CADM1: variants seen among roughly 807,000 people sequenced by gnomAD.
The protein encoded by CADM1 is cell adhesion molecule 1.
Under a neutral mutation model 53.1 loss-of-function variants are expected in CADM1, and 15 were observed. The ratio of observed to expected loss-of-function variants is 0.28; its 90% CI spans 0.19 to 0.44. The LOEUF (loss-of-function observed/expected upper bound fraction) is 0.44, where lower values mean the gene tolerates loss of function less well. Among genes scored for constraint, CADM1 ranks in the 20% least tolerant of loss-of-function variants. The probability of loss-of-function intolerance (pLI) is 1.00; values close to 1 mark genes in which losing one functional copy is unlikely to be tolerated. For missense variants in CADM1, 434 were observed against 611.3 expected (o/e 0.71, Z 3.06); for synonymous variants, 281 against 243.0 (o/e 1.16, Z -1.45).
At chr11:115,238,363 A>G in intron 3 of CADM1, 137 bp downstream of exon 3, 1 of 967,928 alleles carries the variant, frequency 1.0e-6, no homozygotes, top group East Asian at 2.4e-5. Flanking sequence ...GGCTATTTTT[A>G]AAATTCAGCA....
intron 1 of CADM1, among the ~76,000 whole-genome samples, chr11:115,266,577 GC>G (rs1943146892): frequency 6.6e-6 from 1 of 152,202 alleles, no homozygotes; most frequent in Non-Finnish European, 1.5e-5. Context: ...CTTGTTCTAT[GC>G]CAGCCAACAA....
chr11:115,195,953 T>G (rs1251523660), intron 9 of CADM1, among the ~76,000 whole-genome samples: 1 of 152,210 alleles, frequency 6.6e-6, no homozygotes, highest in Non-Finnish European at 1.5e-5. Context: ...CTAGATTATC[T>G]ATCACTTTTC....
At chr11:115,204,382 G>T (rs2134707449) in intron 8 of CADM1, among the ~76,000 whole-genome samples, 1 of 152,186 alleles carries the variant, frequency 6.6e-6, no homozygotes, top group South Asian at 2.1e-4. Flanking sequence ...TCTCTTATTG[G>T]GTTCCAATGT....
intron 1 of CADM1, among the ~76,000 whole-genome samples, chr11:115,370,996 G>T (rs1229870251): frequency 6.6e-6 from 1 of 152,048 alleles, no homozygotes; most frequent in South Asian, 2.1e-4. Flanking sequence ...AAAAGGAGAT[G>T]GGGTGCAAAA....
At chr11:115,313,860 T>C (rs955269812) in intron 1 of CADM1, among the ~76,000 whole-genome samples, 4 of 152,142 alleles carry the variant, frequency 2.6e-5, no homozygotes, top group Admixed American at 6.6e-5. Flanking sequence ...GAGCTGCCAT[T>C]AACTTAGGTC....
chr11:115,358,662 C>A (rs1945943374), intron 1 of CADM1, among the ~76,000 whole-genome samples: 1 of 152,140 alleles, frequency 6.6e-6, no homozygotes, highest in Admixed American at 6.6e-5. Context: ...TTTCACACAG[C>A]ATAATTATTT....
At chr11:115,368,808 T>TA (rs1314765649) in intron 1 of CADM1, among the ~76,000 whole-genome samples, 3 of 151,984 alleles carry the variant, frequency 2.0e-5, no homozygotes, top group Non-Finnish European at 4.4e-5. Context: ...AGGAATGTCC[T>TA]ATATCTATGC....
intron 1 of CADM1, among the ~76,000 whole-genome samples, chr11:115,381,106 C>A (rs1277114767): frequency 2.6e-5 from 4 of 151,898 alleles, no homozygotes; most frequent in African/African-American, 9.7e-5. Flanking sequence ...ACCAGCCTGG[C>A]CAAGGTGGTG....
At chr11:115,216,052 G>T (rs1164761122) in intron 6 of CADM1, among the ~76,000 whole-genome samples, 1 of 152,200 alleles carries the variant, frequency 6.6e-6, no homozygotes, top group Non-Finnish European at 1.5e-5. Context: ...AATGGCAAAT[G>T]GGCCTGCCTG....
intron 5 of CADM1, among the ~76,000 whole-genome samples, chr11:115,223,397 C>T (rs11601751): frequency 0.35 from 52,680 of 152,034 alleles, 11,047 homozygotes; most frequent in Non-Finnish European, 0.47. Flanking sequence ...AACTATTTAA[C>T]CTTCCACACA....
intron 1 of CADM1, among the ~76,000 whole-genome samples, chr11:115,322,587 C>G (rs574573005): frequency 6.6e-6 from 1 of 152,134 alleles, no homozygotes; most frequent in Non-Finnish European, 1.5e-5. Flanking sequence ...TATCCCAACC[C>G]GTGGCAACCA....
At chr11:115,280,217 G>C (rs1238901956) in intron 1 of CADM1, among the ~76,000 whole-genome samples, 1 of 152,180 alleles carries the variant, frequency 6.6e-6, no homozygotes, top group East Asian at 1.9e-4. Flanking sequence ...AGTGGGAATA[G>C]CTTTAACAAA....
rs1939009343 is a variant in CADM1 at position 115,175,988 on chromosome 11, C to T, written c.*486G>A. On this transcript the variant is annotated 3_prime_UTR_variant, in exon 12 of 12. Transcript: ENST00000331581. Reference sequence around the variant, plus strand: ...ATGAAACTGAATTTGGAACAGAAAGCAGTTACCATAAAAATAAACAAAAGT... The same window carrying T: ...ATGAAACTGAATTTGGAACAGAAAGTAGTTACCATAAAAATAAACAAAAGT... 1 of 1,035,968 alleles carries T rather than the reference C, an allele frequency of 9.7e-7. No homozygotes were observed. Among genetic ancestry groups the T allele is most frequent in the Non-Finnish European group, 1.2e-6 (1 of 861,342 alleles). The allele number at this position is 1,035,968 out of a possible 1,614,324, so 64.2% of individuals were successfully genotyped here. A position where few individuals can be genotyped will look rare whatever the true frequency, so the allele number is the denominator to read the frequency against.
At position 115,427,046 on chromosome 11, in the gene CADM1, T is replaced by TA. The variant is rs531793235; in HGVS notation, c.124+77224dup. 3.2e-3 allele frequency among the ~76,000 whole-genome samples: 485 copies of TA among 152,166 alleles called. 1 individual carries two copies. Among genetic ancestry groups the TA allele is most frequent in the Non-Finnish European group, 5.3e-3 (363 of 67,996 alleles). The stretch of plus-strand genomic sequence containing the variant: ...CATTACTTGGTTCAACTCTGTTCAT[T>TA]AAAAAAAGCAAAAACCTAGTTCCCG... On this transcript the variant is annotated intron_variant, in intron 1 of 11. Transcript: ENST00000331581.
At chr11:115,261,423 T>C (rs1260169219) in intron 1 of CADM1, among the ~76,000 whole-genome samples, 5 of 152,116 alleles carry the variant, frequency 3.3e-5, no homozygotes, top group African/African-American at 9.7e-5. Flanking sequence ...AAAAATTATA[T>C]AGTCATGGTA....
chr11:115,354,640 A>T (rs1945818029), intron 1 of CADM1, among the ~76,000 whole-genome samples: 1 of 152,204 alleles, frequency 6.6e-6, no homozygotes, highest in African/African-American at 2.4e-5. Context: ...TAATTACAAT[A>T]TAAAGTGACC....
intron 1 of CADM1, among the ~76,000 whole-genome samples, chr11:115,432,751 T>C (rs1948088253): frequency 6.6e-6 from 1 of 152,200 alleles, no homozygotes; most frequent in Non-Finnish European, 1.5e-5. Flanking sequence ...TACTTAAAAC[T>C]GCTCCCTTTA....
intron 1 of CADM1, among the ~76,000 whole-genome samples, chr11:115,492,076 C>G (rs569375651): frequency 6.6e-6 from 1 of 151,806 alleles, no homozygotes; most frequent in Non-Finnish European, 1.5e-5. Flanking sequence ...GCACATGTAC[C>G]CTAGAACTTA....
chr11:115,377,085 G>C (rs572844866), intron 1 of CADM1: 1 of 152,232 alleles, frequency 6.6e-6, no homozygotes, highest in East Asian at 1.9e-4. Flanking sequence ...GGGACATACA[G>C]GTAATTGCAT....
Sources: allele counts gnomAD v4.1 joint callset (sites outside exome capture counted in the v4.1 genomes callset), GRCh38; gene constraint gnomAD v4.1.1; transcripts MANE v1.5; gene names NCBI Gene and HGNC (gene_info 2026-07-23, HGNC 2026-07-21).